The following RALGAPA2 variants were observed in gnomAD, a reference collection of about 807,000 sequenced individuals.
The protein encoded by RALGAPA2 is ral GTPase-activating protein subunit alpha-2.
In RALGAPA2, 139 loss-of-function variants were observed where a neutral mutation model predicts 230.4. That is an observed-to-expected ratio of 0.60 (90% CI 0.53 to 0.69). The LOEUF (loss-of-function observed/expected upper bound fraction) is 0.69, where lower values mean the gene tolerates loss of function less well. RALGAPA2 is among the 30% of genes least tolerant of loss of function. The probability of loss-of-function intolerance (pLI) is 0.00; values close to 1 mark genes in which losing one functional copy is unlikely to be tolerated. For synonymous variants in RALGAPA2, 847 were observed against 837.8 expected, an observed-to-expected ratio of 1.01 and a Z score of -0.19; for missense variants, 2,163 against 2,276.0, an observed-to-expected ratio of 0.95 and a Z score of 1.01.
chr20:20,582,080 C>A (rs187056174), intron 20 of RALGAPA2, among the ~76,000 whole-genome samples: 1 of 152,186 alleles, frequency 6.6e-6, no homozygotes, highest in East Asian at 1.9e-4. Flanking sequence ...CCCAGCTCCT[C>A]CATGGCCTCC....
At chr20:20,623,451 T>C (rs920592154) in intron 10 of RALGAPA2, among the ~76,000 whole-genome samples, 1 of 151,746 alleles carries the variant, frequency 6.6e-6, no homozygotes, top group African/African-American at 2.4e-5. Context: ...TAAGTCTGTA[T>C]TGCAACTAAT....
intron 36 of RALGAPA2, among the ~76,000 whole-genome samples, chr20:20,485,252 ATT>A (rs1313195978): frequency 2.0e-5 from 3 of 151,874 alleles, no homozygotes; most frequent in African/African-American, 7.3e-5. Context: ...ACCCCTGATA[ATT>A]TTCCCTGCTC....
intron 15 of RALGAPA2, among the ~76,000 whole-genome samples, chr20:20,602,925 C>A (rs2065703364): frequency 6.6e-6 from 1 of 152,104 alleles, no homozygotes; most frequent in African/African-American, 2.4e-5. Flanking sequence ...AGCTCTCCTC[C>A]TCTGGCCTGA....
intron 24 of RALGAPA2, among the ~76,000 whole-genome samples, chr20:20,538,704 G>A (rs1022067859): frequency 5.9e-5 from 9 of 152,172 alleles, no homozygotes; most frequent in Admixed American, 2.0e-4. Flanking sequence ...CCTGAGGTTA[G>A]GAGAGAAAAG....
intron 38 of RALGAPA2, among the ~76,000 whole-genome samples, chr20:20,401,269 G>A (rs931711405): frequency 6.6e-6 from 1 of 152,134 alleles, no homozygotes; most frequent in African/African-American, 2.4e-5. Context: ...TTCCAAAAGT[G>A]ACACAACAGA....
At chr20:20,673,706 T>TA (rs961647270) in intron 3 of RALGAPA2, among the ~76,000 whole-genome samples, 42 of 151,594 alleles carry the variant, frequency 2.8e-4, no homozygotes, top group African/African-American at 6.8e-4. Flanking sequence ...ATAGGAAAGG[T>TA]AAAAAAAACA....
intron 10 of RALGAPA2, among the ~76,000 whole-genome samples, chr20:20,623,271 G>A (rs2066377473): frequency 6.6e-6 from 1 of 152,162 alleles, no homozygotes; most frequent in African/African-American, 2.4e-5. Flanking sequence ...TGAAAGTAAA[G>A]AGTTAGCGAA....
chr20:20,650,264 G>A (rs2067353530), intron 4 of RALGAPA2, among the ~76,000 whole-genome samples: 1 of 152,160 alleles, frequency 6.6e-6, no homozygotes, highest in Non-Finnish European at 1.5e-5. Context: ...GCAGTTTTAA[G>A]AGAAATAGAA....
intron 23 of RALGAPA2, among the ~76,000 whole-genome samples, chr20:20,553,825 A>G (rs887710523): frequency 9.9e-5 from 15 of 152,186 alleles, no homozygotes; most frequent in African/African-American, 3.6e-4. Context: ...CTTATCTACA[A>G]AGAAAAACTT....
At chr20:20,673,738 ATCT>A (rs774510611) in intron 3 of RALGAPA2, among the ~76,000 whole-genome samples, 11 of 152,206 alleles carry the variant, frequency 7.2e-5, no homozygotes, top group Non-Finnish European at 1.3e-4. Flanking sequence ...GCTCATTCCA[ATCT>A]TATAGAACTA....
At chr20:20,454,640 A>C (rs2061067412) in intron 37 of RALGAPA2, among the ~76,000 whole-genome samples, 2 of 152,342 alleles carry the variant, frequency 1.3e-5, no homozygotes, top group Admixed American at 1.3e-4. Context: ...CAAGGATGCC[A>C]CAGGGGTAGT....
chr20:20,539,522 G>C (rs1161240299), intron 24 of RALGAPA2, among the ~76,000 whole-genome samples: 4 of 151,934 alleles, frequency 2.6e-5, no homozygotes, highest in South Asian at 2.1e-4. Context: ...TATATTTAAA[G>C]TATATACAAC....
chr20:20,696,446 C>A (rs1489562402), intron 1 of RALGAPA2, among the ~76,000 whole-genome samples: 1 of 152,074 alleles, frequency 6.6e-6, no homozygotes, highest in Non-Finnish European at 1.5e-5. Context: ...ATGAGGGAAC[C>A]ACATTGATTC....
chr20:20,407,569 T>C (rs552071827), intron 38 of RALGAPA2, among the ~76,000 whole-genome samples: 1 of 152,344 alleles, frequency 6.6e-6, no homozygotes, highest in Admixed American at 6.5e-5. Flanking sequence ...GAGGAGTTTG[T>C]GTAGTGTCTA....
chr20:20,686,050 C>T (rs1353099799), intron 1 of RALGAPA2, among the ~76,000 whole-genome samples: 3 of 152,158 alleles, frequency 2.0e-5, no homozygotes, highest in East Asian at 1.9e-4. Flanking sequence ...TAATCTTCTA[C>T]ATACCACCCA....
intron 37 of RALGAPA2, among the ~76,000 whole-genome samples, chr20:20,465,083 G>T (rs2123319787): frequency 6.8e-6 from 1 of 147,578 alleles, no homozygotes; most frequent in South Asian, 2.2e-4. Context: ...TTTACTTTTG[G>T]CTTCTGTTTT....
At position 20,490,861 on chromosome 20, in the gene RALGAPA2, A is replaced by AACACACAC. The variant is rs34230105; in HGVS notation, c.5367+4248_5367+4255dup. Among the ~76,000 whole-genome samples, 400 of 142,246 alleles carry AACACACAC rather than the reference A, an allele frequency of 2.8e-3. 2 individuals are homozygous for AACACACAC. Among genetic ancestry groups the AACACACAC allele is most frequent in the Middle Eastern group, 3.6e-3 (1 of 280 alleles). 93.3% of individuals were successfully genotyped at this position (142,246 alleles called of 152,430 possible). ...GAAGAGGGATGCATGAACACACATG[A>AACACACAC]ACACACACACACACACACACACACA... On this transcript the variant is annotated intron_variant, in intron 36 of 39. Coordinates refer to ENST00000202677, the MANE Select transcript of RALGAPA2 (RefSeq NM_020343.4).
At chr20:20,653,245 G>C (rs1357046125) in intron 4 of RALGAPA2, among the ~76,000 whole-genome samples, 2 of 148,686 alleles carry the variant, frequency 1.3e-5, no homozygotes, top group Non-Finnish European at 3.0e-5. Flanking sequence ...CTGTGATTCA[G>C]GAGGTCTGGC....
intron 37 of RALGAPA2, among the ~76,000 whole-genome samples, chr20:20,470,781 C>G (rs2061522061): frequency 6.6e-6 from 1 of 152,036 alleles, no homozygotes; most frequent in Non-Finnish European, 1.5e-5. Context: ...TTACTGTTTT[C>G]CATTTTATTT....
Sources: gnomAD v4.1 joint callset for allele counts (sites outside exome capture counted in the v4.1 genomes callset) on GRCh38, gnomAD v4.1.1 for gene constraint, MANE v1.5 for transcripts, NCBI Gene and HGNC (gene_info 2026-07-23, HGNC 2026-07-21) for gene names.